Variants in AP3B1 observed in about 807,000 individuals in gnomAD.
AP3B1 encodes the protein adaptor related protein complex 3 subunit beta 1.
AP3B1 carries 61 observed loss-of-function variants against 132.5 expected under a neutral mutation model. The ratio of observed to expected loss-of-function variants is 0.46; its 90% CI spans 0.37 to 0.57. The LOEUF (loss-of-function observed/expected upper bound fraction) is 0.57. Ranked by LOEUF, AP3B1 falls within the 20% of genes least tolerant of loss-of-function variation. The pLI is 0.00. For missense variants in AP3B1, 1,120 were observed against 1,289.4 expected, an observed-to-expected ratio of 0.87 and a Z score of 2.01; for synonymous variants, 388 against 438.3, an observed-to-expected ratio of 0.89 and a Z score of 1.43.
chr5:78,154,987 T>C (rs1188377407), intron 14 of AP3B1, among the ~76,000 whole-genome samples: 1 of 152,184 alleles, frequency 6.6e-6, no homozygotes, highest in Non-Finnish European at 1.5e-5. Flanking sequence ...TGAGGCCATA[T>C]TTTCCTGGAT....
At chr5:78,161,017 T>C (rs1743366671) in intron 13 of AP3B1, among the ~76,000 whole-genome samples, 1 of 151,734 alleles carries the variant, frequency 6.6e-6, no homozygotes, top group Non-Finnish European at 1.5e-5. Flanking sequence ...AAAACCATGA[T>C]TAAGAGTTGT....
rs780624286 is a variant in AP3B1, at chr5:78,175,758, A to G, written c.1095+26T>C. The G allele has an allele frequency of 3.1e-6, 5 of 1,610,788 alleles. No individual in the cohort carries two copies. The Admixed American group carries it at 8.3e-5, about 27-fold the overall frequency. On this transcript the variant is annotated intron_variant, in intron 10 of 26. Coordinates refer to ENST00000255194, the MANE Select transcript of AP3B1 (RefSeq NM_003664.5). ...GTACTAATGTGTTCATGTGTCTCTT[A>G]AATTACGTGTTCAGAACATACATAC...
At chr5:78,244,351 T>G (rs1467536322) in intron 2 of AP3B1, among the ~76,000 whole-genome samples, 3 of 151,986 alleles carry the variant, frequency 2.0e-5, no homozygotes, top group African/African-American at 7.2e-5. Context: ...AGCCGGGGAT[T>G]GCAGTGAGCC....
At chr5:78,039,547 G>A (rs935983479) in intron 22 of AP3B1, among the ~76,000 whole-genome samples, 1 of 152,014 alleles carries the variant, frequency 6.6e-6, no homozygotes, top group African/African-American at 2.4e-5. Flanking sequence ...AGGCCGAGAC[G>A]GGGAGATCAC....
Position 78,110,916 on chromosome 5 carries a change from A to G in AP3B1, c.2250-562T>C, listed in dbSNP as rs145025086. On this transcript the variant is annotated intron_variant, in intron 19 of 26. Transcript: ENST00000255194. Reference sequence around the variant, plus strand: ...TGGGACTACAGGCATGCACCACCACATCCAGCTAATTTTATATTTTTTGTA... The same window carrying G: ...TGGGACTACAGGCATGCACCACCACGTCCAGCTAATTTTATATTTTTTGTA... Among the ~76,000 whole-genome samples the G allele has an allele frequency of 3.6e-3, 541 of 152,058 alleles. 1 individual carries two copies. Among genetic ancestry groups the G allele is most frequent in the African/African-American group, 0.012 (516 of 41,488 alleles).
chr5:78,152,981 C>G (rs1469776348), intron 14 of AP3B1, among the ~76,000 whole-genome samples: 1 of 152,078 alleles, frequency 6.6e-6, no homozygotes, highest in East Asian at 1.9e-4. Context: ...AAGAATGATC[C>G]ATGTGCTGAT....
intron 1 of AP3B1, among the ~76,000 whole-genome samples, chr5:78,289,323 A>G (rs1749413786): frequency 6.6e-6 from 1 of 152,232 alleles, no homozygotes; most frequent in African/African-American, 2.4e-5. Flanking sequence ...TTCATGTTTG[A>G]TATTGTAAAG....
At chr5:78,033,970 C>A (rs1022534912) in intron 24 of AP3B1, among the ~76,000 whole-genome samples, 24 of 151,956 alleles carry the variant, frequency 1.6e-4, no homozygotes, top group African/African-American at 5.5e-4. Flanking sequence ...GTATGTATAT[C>A]TCAAAAGATA....
intron 14 of AP3B1, among the ~76,000 whole-genome samples, chr5:78,146,964 T>A (rs1415789288): frequency 6.6e-6 from 1 of 152,066 alleles, no homozygotes; most frequent in East Asian, 1.9e-4. Context: ...AAATATTCAC[T>A]GGATATACTC....
intron 20 of AP3B1, among the ~76,000 whole-genome samples, chr5:78,109,685 CCTG>C (rs1751490359): frequency 6.6e-6 from 1 of 151,636 alleles, no homozygotes; most frequent in South Asian, 2.1e-4. Flanking sequence ...TTATTTTTTT[CCTG>C]CTAAGCAGGC....
chr5:78,234,006 T>C (rs1016033208), intron 3 of AP3B1, among the ~76,000 whole-genome samples: 29 of 152,104 alleles, frequency 1.9e-4, no homozygotes, highest in African/African-American at 7.0e-4. Context: ...AAAAGAAGAA[T>C]GCTTTAAATC....
chr5:78,216,861 G>A (rs1336445086), intron 6 of AP3B1, among the ~76,000 whole-genome samples: 1 of 152,008 alleles, frequency 6.6e-6, no homozygotes, highest in Non-Finnish European at 1.5e-5. Context: ...TGTATAAGTT[G>A]GAATAATATA....
chr5:78,061,425 CA>C (rs1749050456), intron 22 of AP3B1, among the ~76,000 whole-genome samples: 1 of 152,116 alleles, frequency 6.6e-6, no homozygotes, highest in Non-Finnish European at 1.5e-5. Context: ...AAATTCTTAT[CA>C]AGGAATTTGA....
chr5:78,279,001 G>T (rs940945575), intron 1 of AP3B1, among the ~76,000 whole-genome samples: 1 of 152,046 alleles, frequency 6.6e-6, no homozygotes, highest in Non-Finnish European at 1.5e-5. Context: ...CTGGTTTGGC[G>T]ATTGCTGGTT....
At chr5:78,151,857 TCCCCTC>T (rs1753670256) in intron 14 of AP3B1, among the ~76,000 whole-genome samples, 1 of 16,902 alleles carries the variant, frequency 5.9e-5, no homozygotes, top group Non-Finnish European at 1.1e-4. Context: ...CCCTCCCCCT[TCCCCTC>T]CCCCTCCTCT....
At chr5:78,041,066 G>A (rs1180698786) in intron 22 of AP3B1, among the ~76,000 whole-genome samples, 3 of 152,126 alleles carry the variant, frequency 2.0e-5, no homozygotes, top group South Asian at 2.1e-4. Flanking sequence ...CCTGAGGTCC[G>A]GAGTCTGAGA....
chr5:78,291,790 C>T (rs562859258), intron 1 of AP3B1, among the ~76,000 whole-genome samples: 2 of 151,984 alleles, frequency 1.3e-5, no homozygotes, highest in South Asian at 2.1e-4. Flanking sequence ...GAAAAAAATG[C>T]TTGGGAAAAA....
intron 26 of AP3B1, among the ~76,000 whole-genome samples, chr5:78,006,156 C>G (rs1404729189): frequency 6.6e-6 from 1 of 152,126 alleles, no homozygotes; most frequent in Non-Finnish European, 1.5e-5. Flanking sequence ...TTCATTTAAT[C>G]CTATGAGGCA....
In AP3B1 at chr5:78,221,565, T is replaced by C. The variant is rs184110957; in HGVS notation, c.603+3977A>G. On this transcript the variant is annotated intron_variant, in intron 6 of 26. Transcript: ENST00000255194. ...TGAAGACTAAATTGCAAGGTGCCCT[T>C]CGAATAAAATTACTGAATGAAAATT... 4.7e-3 allele frequency among the ~76,000 whole-genome samples: 714 copies of C among 151,846 alleles called. 8 individuals carry two copies. Among genetic ancestry groups the C allele is most frequent in the Non-Finnish European group, 4.1e-3 (277 of 67,922 alleles).
Sources: allele counts gnomAD v4.1 joint callset (sites outside exome capture counted in the v4.1 genomes callset), GRCh38; gene constraint gnomAD v4.1.1; transcripts MANE v1.5; gene names NCBI Gene and HGNC (gene_info 2026-07-23, HGNC 2026-07-21).